The following HSP90AA1 variants were observed in gnomAD, a reference collection of about 807,000 sequenced individuals.
The protein encoded by HSP90AA1 is heat shock protein HSP 90-alpha.
HSP90AA1 carries 18 observed loss-of-function variants against 73.3 expected under a neutral mutation model. The observed-to-expected ratio is 0.25, with a 90% CI of 0.17 to 0.36. The LOEUF (loss-of-function observed/expected upper bound fraction) is 0.36. Ranked by LOEUF, HSP90AA1 falls within the 10% of genes least tolerant of loss-of-function variation. The pLI, the probability that HSP90AA1 is intolerant of heterozygous loss-of-function variation, is 1.00. For missense variants in HSP90AA1, 704 were observed against 874.2 expected (o/e 0.81, Z 2.45); for synonymous variants, 477 against 296.9 (o/e 1.61, Z -6.24).
intron 2 of HSP90AA1, among the ~76,000 whole-genome samples, chr14:102,098,319 G>A (rs973891100): frequency 8.1e-5 from 12 of 148,136 alleles, no homozygotes; most frequent in Non-Finnish European, 1.6e-4. Context: ...CTGCCACCAC[G>A]CCCGGCTAAT....
rs2049223309 is a variant in HSP90AA1, at chr14:102,086,055, T to C, written c.232A>G (p.Ile78Val). 4 of 1,613,990 alleles carry C rather than the reference T, an allele frequency of 2.5e-6. No individual in the cohort carries two copies. Among genetic ancestry groups the C allele is most frequent in the East Asian group, 2.2e-5 (1 of 44,892 alleles). The change falls in exon 3 of 11, where the codon ATT becomes GTT. Residue 78 changes from isoleucine (I) to valine (V), a missense_variant. By Grantham distance (29) the Ile-to-Val change is conservative (BLOSUM62 3). Coordinates refer to ENST00000216281, the MANE Select transcript of HSP90AA1 (RefSeq NM_005348.4). ...SKLDSGKELH[I>V]NLIPNKQDRT... ...TCTTGTTTGTTCGGTATAAGGTTAATATGCAGCTCTTTCCCAGAGTCTAAT... is the reference window on the plus strand; with the variant it reads ...TCTTGTTTGTTCGGTATAAGGTTAACATGCAGCTCTTTCCCAGAGTCTAAT...
At position 102,081,602 on chromosome 14, in the gene HSP90AA1, T is replaced by G; in HGVS notation, c.*110A>C. 1 of 722,600 alleles carries G rather than the reference T, an allele frequency of 1.4e-6. No individual in the cohort carries two copies. The highest frequency in any genetic ancestry group is 1.5e-5 in the South Asian group (1 of 68,340). 44.8% of individuals were successfully genotyped at this position (722,600 alleles called of 1,614,324 possible). On this transcript the variant is annotated 3_prime_UTR_variant, in exon 11 of 11. Coordinates refer to ENST00000216281, the MANE Select transcript of HSP90AA1 (RefSeq NM_005348.4). ...TATCTTCCCCTTAAAGTAGTTGTCA[T>G]GCCATACAGACTTTTTAATATTAAC...
chr14:102,090,454 CT>C (rs371474412), upstream of HSP90AA1, among the ~76,000 whole-genome samples: 273 of 118,558 alleles, frequency 2.3e-3, no homozygotes, highest in Middle Eastern at 0.034. Flanking sequence ...CAACATATTT[CT>C]TTTTTTTTTT....
At position 102,086,087 on chromosome 14, in the gene HSP90AA1, G is replaced by A. The variant is rs2049224212; in HGVS notation, c.200C>T (p.Pro67Leu). 2 of 1,613,722 alleles carry A rather than the reference G, an allele frequency of 1.2e-6. No homozygotes were observed. Among genetic ancestry groups the A allele is most frequent in the Middle Eastern group, 1.6e-4 (1 of 6,082 alleles). The change falls in exon 3 of 11, where the codon CCC (proline) becomes CTC (leucine). Residue 67 changes from proline (P) to leucine (L), a missense_variant. By Grantham distance (98) the Pro-to-Leu change is moderately conservative. Coordinates refer to ENST00000216281, the MANE Select transcript of HSP90AA1 (RefSeq NM_005348.4). ...CTCTTTCCCAGAGTCTAATTTACTGGGATCTGTCAAGCTTTCATACCGGAT... is the reference window on the plus strand; with the variant it reads ...CTCTTTCCCAGAGTCTAATTTACTGAGATCTGTCAAGCTTTCATACCGGAT... ...DKIRYESLTD[P>L]SKLDSGKELH...
Position 102,084,697 on chromosome 14 carries a change from T to C in HSP90AA1, c.965A>G (p.Asp322Gly). 1.2e-6 allele frequency: 2 copies of C among 1,613,460 alleles called. No individual in the cohort carries two copies. Among genetic ancestry groups the C allele is most frequent in the Non-Finnish European group, 1.7e-6 (2 of 1,179,442 alleles). ...GTCACTCACCTTCACTGCCAAGTGATCTTCCCAGTCATTGGTCAAGCTCTT... is the reference window on the plus strand; with the variant it reads ...GTCACTCACCTTCACTGCCAAGTGACCTTCCCAGTCATTGGTCAAGCTCTT... ...FYKSLTNDWE[D>G]HLAVKHFSVE... The change falls in exon 5 of 11, where the codon GAT becomes GGT. Residue 322 changes from aspartate (D) to glycine (G), a missense_variant. Transcript: ENST00000216281.
At chr14:102,132,642 GCATA>G (rs1348972722) in intron 1 of HSP90AA1, among the ~76,000 whole-genome samples, 1 of 152,078 alleles carries the variant, frequency 6.6e-6, no homozygotes, top group African/African-American at 2.4e-5. Context: ...CTAAAAGGTA[GCATA>G]TATGTAAAAA....
chr14:102,082,723 C>A (rs1033135649), intron 9 of HSP90AA1: 13 of 505,926 alleles, frequency 2.6e-5, no homozygotes, highest in Non-Finnish European at 2.8e-5. Flanking sequence ...TGGGTTCAGG[C>A]GATTCTCCTG....
intron 2 of HSP90AA1, among the ~76,000 whole-genome samples, chr14:102,096,444 G>A (rs968468660): frequency 6.6e-5 from 10 of 152,080 alleles, no homozygotes; most frequent in Non-Finnish European, 1.5e-4. Context: ...AAGGGTCTAC[G>A]GTCTGCCCCC....
At chr14:102,128,711 G>A (rs898865997) in intron 1 of HSP90AA1, among the ~76,000 whole-genome samples, 1 of 151,638 alleles carries the variant, frequency 6.6e-6, no homozygotes, top group Non-Finnish European at 1.5e-5. Flanking sequence ...CTGAGACAGT[G>A]AATTGCTTGA....
intron 8 of HSP90AA1, 43 bp from the exon 9 acceptor site, chr14:102,083,345 G>C (rs1218597446): frequency 3.7e-6 from 6 of 1,606,616 alleles, no homozygotes; most frequent in Non-Finnish European, 5.1e-6. Flanking sequence ...TAACAGTTAA[G>C]AATGGTTTCA....
rs185384696 is a variant in HSP90AA1 at position 102,086,135 on chromosome 14, A to C, written c.163-11T>G. 6.2e-7 allele frequency: 1 copy of C among 1,614,150 alleles called. No homozygotes were observed. Among genetic ancestry groups the C allele is most frequent in the Non-Finnish European group, 8.5e-7 (1 of 1,180,014 alleles). Reference sequence around the variant, plus strand: ...GATTTTGTCCAATGCCTGTTAACAAAAAATATTAATTTAAGCATACAGCAC... The same window carrying C: ...GATTTTGTCCAATGCCTGTTAACAACAAATATTAATTTAAGCATACAGCAC... On this transcript the variant is annotated splice_polypyrimidine_tract_variant and intron_variant, in intron 2 of 10. Coordinates refer to ENST00000216281, the MANE Select transcript of HSP90AA1 (RefSeq NM_005348.4).
rs149232764 is a variant in HSP90AA1 at position 102,134,220 on chromosome 14, C to T, written c.155+5030G>A. Among the ~76,000 whole-genome samples the T allele has an allele frequency of 5.7e-3, 855 of 149,694 alleles. 3 individuals are homozygous for T. Among genetic ancestry groups the T allele is most frequent in the Non-Finnish European group, 8.8e-3 (595 of 67,540 alleles). On this transcript the variant is annotated intron_variant, in intron 1 of 11. Transcript: ENST00000334701. ...GGGCACGGTGGCACATGCCTGCAGT[C>T]CCAGCTACTTGGGAGGTTTGCCAGG... is the stretch of plus-strand genomic sequence containing the variant.
intron 1 of HSP90AA1, among the ~76,000 whole-genome samples, chr14:102,130,172 C>T (rs1035560716): frequency 3.3e-5 from 5 of 151,170 alleles, no homozygotes; most frequent in Non-Finnish European, 7.4e-5. Flanking sequence ...AATTTCACCA[C>T]GTTGGTGAGG....
intron 2 of HSP90AA1, among the ~76,000 whole-genome samples, chr14:102,097,301 A>T (rs539492817): frequency 5.5e-5 from 8 of 146,716 alleles, no homozygotes; most frequent in Admixed American, 3.6e-4. Flanking sequence ...AATTTTTTTT[A>T]AAGAAGAAAG....
chr14:102,085,225 G>C, intron 4 of HSP90AA1, 73 bp downstream of exon 4: 1 of 1,502,452 alleles, frequency 6.7e-7, no homozygotes, highest in Non-Finnish European at 9.3e-7. Context: ...CAGATCTAGG[G>C]ACTAAGGATG....
At chr14:102,087,085 C>A (rs1418725985), upstream of HSP90AA1, 3 of 984,840 alleles carry the variant, frequency 3.0e-6, no homozygotes, top group South Asian at 4.7e-5. Flanking sequence ...GCGACGGGCC[C>A]GCCCAGCGCG....
chr14:102,084,325 T>C, intron 6 of HSP90AA1, 74 bp downstream of exon 6: 10 of 1,386,996 alleles, frequency 7.2e-6, no homozygotes, highest in Non-Finnish European at 1.0e-5. Flanking sequence ...GGATTATAGG[T>C]GTGAGCCACC....
At chr14:102,088,569 G>A (rs993732380), upstream of HSP90AA1, among the ~76,000 whole-genome samples, 3 of 152,222 alleles carry the variant, frequency 2.0e-5, no homozygotes, top group Non-Finnish European at 4.4e-5. Context: ...ACGTGGCGCG[G>A]GCCCCAGCGG....
At chr14:102,136,534 A>ACTC (rs1269128696) in intron 1 of HSP90AA1, among the ~76,000 whole-genome samples, 1 of 118,502 alleles carries the variant, frequency 8.4e-6, no homozygotes, top group African/African-American at 3.3e-5. Flanking sequence ...ATGCCACTGC[A>ACTC]CTCCAGCCTG....
Sources: allele counts gnomAD v4.1 joint callset (sites outside exome capture counted in the v4.1 genomes callset), GRCh38; gene constraint gnomAD v4.1.1; transcripts MANE v1.5; gene names NCBI Gene and HGNC (gene_info 2026-07-23, HGNC 2026-07-21).